ESRRG: variants seen among roughly 807,000 people sequenced by gnomAD.
The protein encoded by ESRRG is estrogen related receptor gamma.
Under a neutral mutation model 44.0 loss-of-function variants are expected in ESRRG, and 13 were observed. The ratio of observed to expected loss-of-function variants is 0.30; its 90% confidence interval spans 0.19 to 0.47. The LOEUF is 0.47. Ranked by LOEUF, ESRRG falls within the 20% of genes least tolerant of loss-of-function variation. ESRRG has a pLI of 1.00. For synonymous variants in ESRRG, 215 were observed against 214.6 expected (o/e 1.00, Z -0.02); for missense variants, 395 against 580.6 (o/e 0.68, Z 3.29).
Position 216,503,613 on chromosome 1 carries a change from A to C in ESRRG, c.*3326T>G, listed in dbSNP as rs2040708900. 2 of 152,556 alleles carry C rather than the reference A, an allele frequency of 1.3e-5. No individual in the cohort carries two copies. The highest frequency in any genetic ancestry group is 2.4e-5 in the African/African-American group (1 of 41,438). The allele number at this position is 152,556 out of a possible 1,614,324, so 9.5% of individuals were successfully genotyped here. On this transcript the variant is annotated 3_prime_UTR_variant, in exon 7 of 7. Transcript: ENST00000408911. ...ATCTTTGCACATAAGACTGCCATAA[A>C]ATGTTTTCCTAGGCAGGTAAACAGA...
chr1:216,535,174 A>C (rs2050574074), intron 5 of ESRRG, among the ~76,000 whole-genome samples: 1 of 152,142 alleles, frequency 6.6e-6, no homozygotes, highest in African/African-American at 2.4e-5. Flanking sequence ...AGTATGGATT[A>C]AGAGTGAGAG....
intron 3 of ESRRG, among the ~76,000 whole-genome samples, chr1:216,569,099 AG>A (rs1342369701): frequency 2.5e-5 from 3 of 117,692 alleles, no homozygotes; most frequent in Non-Finnish European, 5.6e-5. Flanking sequence ...GAAGGAAGGA[AG>A]GAAGGAAGGA....
intron 1 of ESRRG, among the ~76,000 whole-genome samples, chr1:217,051,529 A>T (rs1269724068): frequency 1.3e-5 from 2 of 152,206 alleles, no homozygotes; most frequent in Non-Finnish European, 2.9e-5. Flanking sequence ...TTAAAAGGGC[A>T]ATGATGATGA....
intron 2 of ESRRG, among the ~76,000 whole-genome samples, chr1:216,762,711 A>AAAATAAATAAATAAATAAAT (rs768532140): frequency 0.013 from 1,972 of 151,620 alleles, 25 homozygotes; most frequent in Non-Finnish European, 0.021. Context: ...ATAATAATAA[A>AAAATAAATAAATAAATAAAT]AAATAAATAA....
chr1:216,929,804 G>C (rs1222792088), intron 2 of ESRRG, among the ~76,000 whole-genome samples: 1 of 152,030 alleles, frequency 6.6e-6, no homozygotes, highest in Non-Finnish European at 1.5e-5. Context: ...GACCCCCCAG[G>C]TCTCTTCCTC....
intron 1 of ESRRG, among the ~76,000 whole-genome samples, chr1:216,995,721 T>C (rs2076292044): frequency 6.6e-6 from 1 of 152,214 alleles, no homozygotes; most frequent in Admixed American, 6.5e-5. Context: ...TTATTCACTG[T>C]CAAGTCCCTG....
chr1:216,593,018 C>T (rs1282309540), intron 3 of ESRRG, among the ~76,000 whole-genome samples: 3 of 152,200 alleles, frequency 2.0e-5, no homozygotes, highest in African/African-American at 7.2e-5. Context: ...GTACTTCTAA[C>T]ATCAGTACTA....
chr1:216,517,593 C>T lies in ESRRG; in HGVS notation c.1132+1559G>A, dbSNP rs1306347024. Among the ~76,000 whole-genome samples the T allele has an allele frequency of 7.9e-5, 12 of 152,156 alleles. No homozygotes were observed. In the South Asian group the frequency reaches 2.1e-3, roughly 26 times the overall value. On this transcript the variant is annotated intron_variant, in intron 6 of 6. Coordinates refer to ENST00000408911, the MANE Select transcript of ESRRG (RefSeq NM_001438.4). The stretch of plus-strand genomic sequence containing the variant: ...CCAAGTAAATGTTTTAAATTAGAAT[C>T]GTTTCATGATTGCCAAATAAAAATT...
chr1:217,113,018 T>A (rs143415571), intron 1 of ESRRG, among the ~76,000 whole-genome samples: 1 of 152,330 alleles, frequency 6.6e-6, no homozygotes, highest in East Asian at 1.9e-4. Context: ...CAATAAGTCA[T>A]GGGAAACCCA....
chr1:216,541,514 G>T (rs960173839), intron 5 of ESRRG, among the ~76,000 whole-genome samples: 7 of 150,774 alleles, frequency 4.6e-5, no homozygotes, highest in African/African-American at 1.2e-4. Context: ...GGGAAATAAT[G>T]ATATTGAAGT....
chr1:216,562,472 G>T (rs1178605829), intron 5 of ESRRG, among the ~76,000 whole-genome samples: 1 of 152,040 alleles, frequency 6.6e-6, no homozygotes, highest in Non-Finnish European at 1.5e-5. Flanking sequence ...TTAGAACAGT[G>T]GTTTTCAGTT....
chr1:216,654,178 C>T (rs917763304), intron 2 of ESRRG, among the ~76,000 whole-genome samples: 8 of 151,240 alleles, frequency 5.3e-5, no homozygotes, highest in Non-Finnish European at 1.0e-4. Context: ...AAAGAATATA[C>T]TTATAATAAC....
At chr1:216,696,543 T>C (rs555428936) in intron 1 of ESRRG, among the ~76,000 whole-genome samples, 1 of 152,136 alleles carries the variant, frequency 6.6e-6, no homozygotes, top group African/African-American at 2.4e-5. Context: ...GAACAAAGAA[T>C]AATAGTGTTG....
intron 1 of ESRRG, chr1:216,707,496 C>T: frequency 6.6e-7 from 1 of 1,526,446 alleles, no homozygotes; most frequent in Non-Finnish European, 8.8e-7. Flanking sequence ...TCTAAAAAGC[C>T]AAAACCAGAA....
intron 2 of ESRRG, among the ~76,000 whole-genome samples, chr1:216,658,921 A>AG (rs2071498407): frequency 7.5e-4 from 109 of 145,580 alleles, no homozygotes; most frequent in African/African-American, 3.0e-3. Flanking sequence ...AAGAGAAATA[A>AG]AGAAAAGAAA....
At chr1:216,604,591 CAT>C (rs938356369) in intron 3 of ESRRG, among the ~76,000 whole-genome samples, 1 of 152,142 alleles carries the variant, frequency 6.6e-6, no homozygotes, top group Non-Finnish European at 1.5e-5. Context: ...TAATAAGGGG[CAT>C]ATAGGCTTAA....
chr1:216,600,446 G>A (rs1558739428), intron 3 of ESRRG, among the ~76,000 whole-genome samples: 1 of 152,096 alleles, frequency 6.6e-6, no homozygotes. Context: ...GAAGGGGGGC[G>A]GGTCAGGGGA....
chr1:216,802,679 G>T (rs1432787973), intron 2 of ESRRG, among the ~76,000 whole-genome samples: 1 of 152,064 alleles, frequency 6.6e-6, no homozygotes, highest in Non-Finnish European at 1.5e-5. Flanking sequence ...GTATTAGACA[G>T]AAAATTTCAG....
intron 1 of ESRRG, among the ~76,000 whole-genome samples, chr1:216,943,074 A>C (rs2149990799): frequency 6.6e-6 from 1 of 152,274 alleles, no homozygotes; most frequent in East Asian, 1.9e-4. Context: ...TACAGGATTA[A>C]GAACCATCAA....
Sources: allele counts gnomAD v4.1 joint callset (sites outside exome capture counted in the v4.1 genomes callset), GRCh38; gene constraint gnomAD v4.1.1; transcripts MANE v1.5; gene names NCBI Gene and HGNC (gene_info 2026-07-23, HGNC 2026-07-21).